The following HIPK2 variants were observed in gnomAD, a reference collection of about 807,000 sequenced individuals.
HIPK2 encodes homeodomain interacting protein kinase 2, also known as homeodomain-interacting protein kinase 2.
In HIPK2, 27 loss-of-function variants were observed where a neutral mutation model predicts 113.7. That is an observed-to-expected ratio of 0.24 (90% CI 0.17 to 0.33). HIPK2 has a LOEUF of 0.33. Among genes scored for constraint, HIPK2 ranks in the 10% least tolerant of loss-of-function variants. The pLI, the probability that HIPK2 is intolerant of heterozygous loss-of-function variation, is 1.00. For synonymous variants in HIPK2, 631 were observed against 642.2 expected (o/e 0.98, Z 0.26); for missense variants, 1,257 against 1,588.0 (o/e 0.79, Z 3.54).
intron 2 of HIPK2, among the ~76,000 whole-genome samples, chr7:139,707,855 C>T (rs1269533953): frequency 1.3e-5 from 2 of 152,136 alleles, no homozygotes; most frequent in Non-Finnish European, 2.9e-5. Context: ...AAGGAAGGCA[C>T]GTTCATGTCT....
chr7:139,642,621 C>G (rs551257547), intron 2 of HIPK2, among the ~76,000 whole-genome samples: 1 of 152,312 alleles, frequency 6.6e-6, no homozygotes, highest in East Asian at 1.9e-4. Flanking sequence ...AATCCCAGGT[C>G]AACCTGTGAT....
intron 6 of HIPK2, among the ~76,000 whole-genome samples, chr7:139,622,038 G>C (rs1800253312): frequency 6.6e-6 from 1 of 151,714 alleles, no homozygotes; most frequent in South Asian, 2.1e-4. Context: ...TAAAATAAAA[G>C]TTTTCTACTA....
intron 6 of HIPK2, among the ~76,000 whole-genome samples, chr7:139,623,914 T>A (rs933331253): frequency 5.9e-5 from 9 of 152,132 alleles, no homozygotes. Context: ...AGCACACCCC[T>A]TTTCCCTGCA....
At chr7:139,737,992 C>G (rs1423221806) in intron 1 of HIPK2, among the ~76,000 whole-genome samples, 1 of 152,192 alleles carries the variant, frequency 6.6e-6, no homozygotes, top group Admixed American at 6.5e-5. Flanking sequence ...AGGGCCCAGA[C>G]CCGATCCATC....
At chr7:139,690,893 C>T (rs879472851) in intron 2 of HIPK2, among the ~76,000 whole-genome samples, 4 of 152,158 alleles carry the variant, frequency 2.6e-5, no homozygotes, top group Non-Finnish European at 5.9e-5. Context: ...ATTACCCAGT[C>T]TCAGGTATTC....
rs141513603 is a variant in HIPK2, at chr7:139,564,285, C to T, written c.*8642G>A. ...GGGTATATGGTCCTCCCCTACAAAA[C>T]GCTGATCAAAATATCACCCCCGGCC... is the stretch of plus-strand genomic sequence containing the variant. On this transcript the variant is annotated 3_prime_UTR_variant, in exon 15 of 15. Transcript: ENST00000406875. 1.8e-3 allele frequency: 383 copies of T among 209,238 alleles called. 1 individual carries two copies. In the South Asian group the frequency reaches 0.022, roughly 12 times the overall value. The allele number at this position is 209,238 out of a possible 1,614,324, so 13.0% of individuals were successfully genotyped here. A position where few individuals can be genotyped will look rare whatever the true frequency, so the allele number is the denominator to read the frequency against.
intron 2 of HIPK2, among the ~76,000 whole-genome samples, chr7:139,647,261 T>C (rs998224137): frequency 6.6e-6 from 1 of 151,720 alleles, no homozygotes; most frequent in African/African-American, 2.4e-5. Flanking sequence ...GGTGAGAGGG[T>C]CGGTGTCTGC....
intron 2 of HIPK2, among the ~76,000 whole-genome samples, chr7:139,680,889 T>G (rs1007636212): frequency 6.6e-6 from 1 of 152,208 alleles, no homozygotes; most frequent in South Asian, 2.1e-4. Flanking sequence ...TACTCAGCCA[T>G]GGGCCCAGTG....
chr7:139,771,769 GAAGA>G (rs1296611246), intron 1 of HIPK2, among the ~76,000 whole-genome samples: 7 of 152,190 alleles, frequency 4.6e-5, no homozygotes, highest in Non-Finnish European at 1.0e-4. Context: ...AGAGAGTTCA[GAAGA>G]GAGAAAGGAG....
At chr7:139,757,109 C>T (rs1796375189) in intron 1 of HIPK2, among the ~76,000 whole-genome samples, 1 of 152,104 alleles carries the variant, frequency 6.6e-6, no homozygotes, top group Non-Finnish European at 1.5e-5. Flanking sequence ...AATCATCCTC[C>T]TGAAAAGATG....
At chr7:139,619,954 G>A (rs1001657434) in intron 7 of HIPK2, among the ~76,000 whole-genome samples, 8 of 152,048 alleles carry the variant, frequency 5.3e-5, no homozygotes, top group Non-Finnish European at 1.0e-4. Context: ...TAGAGATGGC[G>A]TCTCACTGTG....
At chr7:139,685,075 T>C (rs1488003027) in intron 2 of HIPK2, among the ~76,000 whole-genome samples, 5 of 152,168 alleles carry the variant, frequency 3.3e-5, no homozygotes, top group African/African-American at 1.2e-4. Context: ...AACATAAAAA[T>C]GCAAAGGGAA....
At chr7:139,588,667 T>C (rs753501432) in intron 12 of HIPK2, among the ~76,000 whole-genome samples, 23 of 151,982 alleles carry the variant, frequency 1.5e-4, no homozygotes, top group Non-Finnish European at 3.2e-4. Flanking sequence ...AGCAGGGAGA[T>C]GCTGGAGGCT....
chr7:139,632,522 A>C (rs989053877), intron 2 of HIPK2, among the ~76,000 whole-genome samples: 8 of 152,210 alleles, frequency 5.3e-5, no homozygotes, highest in Non-Finnish European at 8.8e-5. Context: ...AACCCCATTC[A>C]TGAATACAGA....
At chr7:139,639,791 A>G (rs1308992641) in intron 2 of HIPK2, among the ~76,000 whole-genome samples, 3 of 152,228 alleles carry the variant, frequency 2.0e-5, no homozygotes, top group Non-Finnish European at 4.4e-5. Context: ...TGTCAAGTGC[A>G]CACCCTCAGC....
At chr7:139,753,900 G>A (rs1352196438) in intron 1 of HIPK2, among the ~76,000 whole-genome samples, 2 of 152,226 alleles carry the variant, frequency 1.3e-5, no homozygotes, top group East Asian at 1.9e-4. Context: ...GCCCCATTTA[G>A]GGAGATATGA....
intron 2 of HIPK2, among the ~76,000 whole-genome samples, chr7:139,706,881 C>T (rs543097214): frequency 2.6e-5 from 4 of 152,372 alleles, no homozygotes; most frequent in African/African-American, 7.2e-5. Flanking sequence ...TTCTCTGATT[C>T]GGCCACACTG....
intron 2 of HIPK2, among the ~76,000 whole-genome samples, chr7:139,667,507 G>T (rs931488274): frequency 3.3e-5 from 5 of 152,062 alleles, no homozygotes; most frequent in African/African-American, 9.7e-5. Context: ...TATACTTTTT[G>T]ATCTACCCTT....
At chr7:139,626,834 C>T (rs775673664) in intron 5 of HIPK2, 49 bp from the exon 6 acceptor site, 1 of 1,603,092 alleles carries the variant, frequency 6.2e-7, no homozygotes, top group Non-Finnish European at 8.5e-7. Context: ...AGCGTGCCTC[C>T]CCTCTCCTGG....
Sources: allele counts gnomAD v4.1 joint callset (sites outside exome capture counted in the v4.1 genomes callset), GRCh38; gene constraint gnomAD v4.1.1; transcripts MANE v1.5; gene names NCBI Gene and HGNC (gene_info 2026-07-23, HGNC 2026-07-21).